CDH11: variants seen among roughly 807,000 people sequenced by gnomAD.
CDH11 encodes the protein cadherin-11.
CDH11 carries 11 observed loss-of-function variants against 67.8 expected under a neutral mutation model. The observed-to-expected ratio is 0.16, with a 90% CI of 0.10 to 0.27. CDH11 has a LOEUF of 0.27. Among genes scored for constraint, CDH11 ranks in the 10% least tolerant of loss-of-function variants. The pLI is 1.00. For synonymous variants in CDH11, 419 were observed against 400.0 expected, an observed-to-expected ratio of 1.05 and a Z score of -0.57; for missense variants, 847 against 1,031.2, an observed-to-expected ratio of 0.82 and a Z score of 2.45.
intron 2 of CDH11, among the ~76,000 whole-genome samples, chr16:65,044,231 A>G (rs901625075): frequency 1.3e-5 from 2 of 152,174 alleles, no homozygotes; most frequent in African/African-American, 4.8e-5. Flanking sequence ...TACACAGCCA[A>G]ACTCTATTCT....
intron 2 of CDH11, among the ~76,000 whole-genome samples, chr16:65,028,507 C>G (rs1194489748): frequency 1.3e-5 from 2 of 152,152 alleles, no homozygotes; most frequent in Non-Finnish European, 2.9e-5. Context: ...CCCTCCAACA[C>G]CCACACATAA....
chr16:64,992,822 T>A (rs2072664691), intron 5 of CDH11, 93 bp downstream of exon 5: 5 of 1,253,796 alleles, frequency 4.0e-6, no homozygotes, highest in Non-Finnish European at 5.6e-6. Context: ...TCCTTTTTCA[T>A]ATTTGAGAAA....
At chr16:65,040,453 G>A (rs2073845314) in intron 2 of CDH11, among the ~76,000 whole-genome samples, 1 of 151,870 alleles carries the variant, frequency 6.6e-6, no homozygotes, top group Non-Finnish European at 1.5e-5. Context: ...ACTATCGCAA[G>A]GACAAAAAAA....
chr16:65,097,218 A>G (rs1002294518), intron 1 of CDH11, among the ~76,000 whole-genome samples: 65 of 152,222 alleles, frequency 4.3e-4, no homozygotes, highest in African/African-American at 1.5e-3. Flanking sequence ...GCAAAATAAT[A>G]TACGTGTTGT....
intron 4 of CDH11, among the ~76,000 whole-genome samples, chr16:64,993,896 G>A (rs1000296573): frequency 2.0e-5 from 3 of 152,096 alleles, no homozygotes; most frequent in Non-Finnish European, 4.4e-5. Flanking sequence ...CATGTATTTT[G>A]CCAGCATTCC....
chr16:65,085,130 C>T (rs1272479612), intron 1 of CDH11, among the ~76,000 whole-genome samples: 1 of 152,128 alleles, frequency 6.6e-6, no homozygotes, highest in Non-Finnish European at 1.5e-5. Flanking sequence ...AGCGTGGTCT[C>T]GAACTCCTGA....
At chr16:65,036,115 T>A (rs2073749306) in intron 2 of CDH11, among the ~76,000 whole-genome samples, 1 of 152,194 alleles carries the variant, frequency 6.6e-6, no homozygotes, top group Admixed American at 6.5e-5. Flanking sequence ...CAGCCCTGTG[T>A]GTTTTTAATT....
chr16:65,021,570 AT>A (rs1267631415), intron 2 of CDH11, among the ~76,000 whole-genome samples: 6 of 10,030 alleles, frequency 6.0e-4, no homozygotes, highest in African/African-American at 1.2e-3. Flanking sequence ...ACACACACAC[AT>A]ATATATATAT....
At chr16:64,956,845 G>A (rs781135872) in intron 11 of CDH11, among the ~76,000 whole-genome samples, 1 of 152,042 alleles carries the variant, frequency 6.6e-6, no homozygotes, top group Non-Finnish European at 1.5e-5. Context: ...ACCAATATAG[G>A]GGTTAGATGA....
chr16:65,037,582 T>C (rs2073777237), intron 2 of CDH11, among the ~76,000 whole-genome samples: 1 of 152,162 alleles, frequency 6.6e-6, no homozygotes, highest in African/African-American at 2.4e-5. Flanking sequence ...ACACTGATTA[T>C]TGGATGATTG....
At position 65,002,563 on chromosome 16, in the gene CDH11, T is replaced by C. The variant is rs116670026; in HGVS notation, c.228+2079A>G. Reference sequence around the variant, plus strand: ...CTTCCACATATTTCCATTTGGGATATAAATGAATGAAATTCCTTTGGTACA... The same window carrying C: ...CTTCCACATATTTCCATTTGGGATACAAATGAATGAAATTCCTTTGGTACA... On this transcript the variant is annotated intron_variant, in intron 3 of 12. Transcript: ENST00000268603. Among the ~76,000 whole-genome samples the C allele has an allele frequency of 5.7e-3, 867 of 152,332 alleles. 11 individuals are homozygous for C. The highest frequency in any genetic ancestry group is 0.019 in the African/African-American group (788 of 41,580).
At chr16:65,070,116 C>T (rs905779856) in intron 1 of CDH11, among the ~76,000 whole-genome samples, 6 of 152,188 alleles carry the variant, frequency 3.9e-5, no homozygotes, top group African/African-American at 1.4e-4. Flanking sequence ...TCCCTTTGCA[C>T]TCAGAGCCTC....
chr16:65,122,247 G>C (rs1174918028), upstream of CDH11: 1 of 449,760 alleles, frequency 2.2e-6, no homozygotes, highest in Non-Finnish European at 4.0e-6. Context: ...GGCTGCGGGG[G>C]CCGACCCCGT....
rs553292025 is a variant in CDH11 at position 65,097,731 on chromosome 16, T to C, written c.-298+24149A>G. Among the ~76,000 whole-genome samples the C allele has an allele frequency of 3.9e-5, 6 of 152,296 alleles. No homozygotes were observed. In the East Asian group the frequency reaches 1.2e-3, roughly 29 times the overall value. On this transcript the variant is annotated intron_variant, in intron 1 of 12. Transcript: ENST00000268603. ...AAACACACCCCTGTAATCAGTCCTA[T>C]AACAAAGAACAGAAAAGTAACATCT...
Position 64,944,137 on chromosome 16 carries a change from C to G in CDH11, c.*3466G>C. Reference sequence around the variant, plus strand: ...GCAATAAAATAAAGGCATCAGAATTCATTTTAAGTCTTTGGGAAGCCAGTG... The same window carrying G: ...GCAATAAAATAAAGGCATCAGAATTGATTTTAAGTCTTTGGGAAGCCAGTG... On this transcript the variant is annotated 3_prime_UTR_variant, in exon 13 of 13. Coordinates refer to ENST00000268603, the MANE Select transcript of CDH11 (RefSeq NM_001797.4). The G allele has an allele frequency of 4.3e-6, 1 of 232,736 alleles. No homozygotes were observed. The highest frequency in any genetic ancestry group is 8.5e-6 in the Non-Finnish European group (1 of 117,774). The allele number at this position is 232,736 out of a possible 1,614,324, so 14.4% of individuals were successfully genotyped here.
chr16:65,096,713 G>A (rs543757115), intron 1 of CDH11, among the ~76,000 whole-genome samples: 1 of 151,682 alleles, frequency 6.6e-6, no homozygotes, highest in Non-Finnish European at 1.5e-5. Flanking sequence ...TTTGGGGTGT[G>A]TGTGTGTGTA....
intron 1 of CDH11, among the ~76,000 whole-genome samples, chr16:65,113,101 C>T (rs1234515021): frequency 2.0e-5 from 3 of 152,024 alleles, no homozygotes; most frequent in Non-Finnish European, 4.4e-5. Flanking sequence ...GCTTGACCAA[C>T]ATAGTGAAAC....
At chr16:65,114,568 C>CA (rs1286272195) in intron 1 of CDH11, among the ~76,000 whole-genome samples, 3 of 152,132 alleles carry the variant, frequency 2.0e-5, no homozygotes, top group African/African-American at 7.2e-5. Flanking sequence ...GTCCGGCACA[C>CA]AGTAGGATCT....
rs202106531 is a variant in CDH11, at chr16:64,982,185, G to A, written c.1116C>T (p.Ile372=). The change falls in exon 8 of 13, where the codon ATC becomes ATT. Residue 372 remains isoleucine (I), a synonymous_variant. Transcript: ENST00000268603. Reference sequence around the variant, plus strand: ...GGGGCTCATCAGCATCTTCTACTGAGATCTTGACGGTCACAGTGTCCTTGA... The same window carrying A: ...GGGGCTCATCAGCATCTTCTACTGAAATCTTGACGGTCACAGTGTCCTTGA... ...GPFKDTVTVK[I]SVEDADEPPM... 4.3e-6 allele frequency: 7 copies of A among 1,614,020 alleles called. No homozygotes were observed. The East Asian group carries it at 8.9e-5, about 21-fold the overall frequency.
Sources: allele counts gnomAD v4.1 joint callset (sites outside exome capture counted in the v4.1 genomes callset), GRCh38; gene constraint gnomAD v4.1.1; transcripts MANE v1.5; gene names NCBI Gene and HGNC (gene_info 2026-07-23, HGNC 2026-07-21).